KDM7A: variants seen among roughly 807,000 people sequenced by gnomAD.
KDM7A encodes lysine-specific demethylase 7A.
Under a neutral mutation model 114.8 loss-of-function variants are expected in KDM7A, and 28 were observed. The ratio of observed to expected loss-of-function variants is 0.24; its 90% CI spans 0.18 to 0.33. The LOEUF (loss-of-function observed/expected upper bound fraction) is 0.33, where lower values mean the gene tolerates loss of function less well. Among genes scored for constraint, KDM7A ranks in the 10% least tolerant of loss-of-function variants. The pLI is 1.00. For missense variants in KDM7A, 942 were observed against 1,142.5 expected, an observed-to-expected ratio of 0.82 and a Z score of 2.53; for synonymous variants, 423 against 397.8, an observed-to-expected ratio of 1.06 and a Z score of -0.75.
intron 1 of KDM7A, among the ~76,000 whole-genome samples, chr7:140,174,229 A>C: frequency 6.6e-6 from 1 of 152,214 alleles, no homozygotes; most frequent in Non-Finnish European, 1.5e-5. Context: ...TTTGTAGGGC[A>C]GGACAATATA....
chr7:140,092,384 G>C (rs1268517548), intron 18 of KDM7A, among the ~76,000 whole-genome samples: 1 of 152,206 alleles, frequency 6.6e-6, no homozygotes, highest in Non-Finnish European at 1.5e-5. Flanking sequence ...CAGGGACCCT[G>C]AGCTGGGGGA....
chr7:140,100,689 C>CACACATAT (rs1562945966), intron 12 of KDM7A, among the ~76,000 whole-genome samples: 121 of 53,958 alleles, frequency 2.2e-3, no homozygotes, highest in Admixed American at 3.9e-3. Flanking sequence ...TACATATATA[C>CACACATAT]ATATATATAT....
chr7:140,098,465 T>G (rs1202261493), intron 14 of KDM7A, among the ~76,000 whole-genome samples: 2 of 152,224 alleles, frequency 1.3e-5, no homozygotes, highest in Non-Finnish European at 2.9e-5. Context: ...ATGCATGGAT[T>G]ACTAACAGCT....
intron 1 of KDM7A, among the ~76,000 whole-genome samples, chr7:140,159,392 T>C (rs1385464076): frequency 6.8e-6 from 1 of 147,312 alleles, no homozygotes; most frequent in South Asian, 2.2e-4. Flanking sequence ...GATATATGCG[T>C]ACAATTGGCA....
intron 1 of KDM7A, among the ~76,000 whole-genome samples, chr7:140,169,824 C>T (rs186222540): frequency 6.6e-6 from 1 of 152,244 alleles, no homozygotes; most frequent in East Asian, 1.9e-4. Context: ...TCCAACCTAA[C>T]TAATGGTTTT....
At chr7:140,121,874 A>G (rs1477951194) in intron 7 of KDM7A, among the ~76,000 whole-genome samples, 3 of 152,180 alleles carry the variant, frequency 2.0e-5, no homozygotes, top group Non-Finnish European at 4.4e-5. Context: ...TTCCTGAAAC[A>G]CAAAAACTGT....
intron 1 of KDM7A, among the ~76,000 whole-genome samples, chr7:140,161,136 G>A (rs1318540399): frequency 6.6e-6 from 1 of 152,242 alleles, no homozygotes; most frequent in Non-Finnish European, 1.5e-5. Flanking sequence ...TCTGCATATA[G>A]TTTACAACCC....
At chr7:140,109,291 G>A (rs915094424) in intron 11 of KDM7A, among the ~76,000 whole-genome samples, 2 of 152,196 alleles carry the variant, frequency 1.3e-5, no homozygotes, top group Admixed American at 6.5e-5. Context: ...AAGCCCCAGT[G>A]AGATGAACCC....
intron 17 of KDM7A, chr7:140,094,599 C>T (rs1033258270): frequency 6.4e-6 from 1 of 155,526 alleles, no homozygotes; most frequent in Non-Finnish European, 1.4e-5. Context: ...TTTACCTTCA[C>T]TATATGCCTT....
In KDM7A at chr7:140,091,054, C is replaced by A; in HGVS notation, c.*40G>T. ...AGCTCCAGGCTCCTGCACCCCTAGACTGGTCTCCAAAGGGAAGAATGGCTG... is the reference window on the plus strand; with the variant it reads ...AGCTCCAGGCTCCTGCACCCCTAGAATGGTCTCCAAAGGGAAGAATGGCTG... On this transcript the variant is annotated 3_prime_UTR_variant, in exon 20 of 20. Coordinates refer to ENST00000397560, the MANE Select transcript of KDM7A (RefSeq NM_030647.2). 6.9e-7 allele frequency: 1 copy of A among 1,459,136 alleles called. No homozygotes were observed. The allele number at this position is 1,459,136 out of a possible 1,614,324, so 90.4% of individuals were successfully genotyped here.
intron 1 of KDM7A, 104 bp from the exon 2 acceptor site, chr7:140,139,294 C>A: frequency 1.4e-6 from 1 of 711,180 alleles, no homozygotes; most frequent in Non-Finnish European, 2.5e-6. Context: ...AACCACCTCA[C>A]CAACACATTT....
intron 1 of KDM7A, among the ~76,000 whole-genome samples, chr7:140,157,578 T>C (rs1794471256): frequency 6.6e-6 from 1 of 152,072 alleles, no homozygotes; most frequent in African/African-American, 2.4e-5. Context: ...CGCTTGAGCC[T>C]GGGAGGTCAA....
intron 12 of KDM7A, among the ~76,000 whole-genome samples, chr7:140,100,665 TATATATATATATATACATATATAC>T (rs1291102069): frequency 0.017 from 694 of 40,612 alleles, 15 homozygotes; most frequent in African/African-American, 0.059. Context: ...AAAAGTTATA[TATATATATATATATACATATATAC>T]ATATATATAT....
At chr7:140,175,766 G>A (rs1468580666) in intron 1 of KDM7A, among the ~76,000 whole-genome samples, 2 of 151,692 alleles carry the variant, frequency 1.3e-5, no homozygotes, top group Non-Finnish European at 2.9e-5. Context: ...AGCGTCCGCC[G>A]CCGCCGCCAG....
chr7:140,169,049 G>T (rs570715057), intron 1 of KDM7A, among the ~76,000 whole-genome samples: 1 of 152,220 alleles, frequency 6.6e-6, no homozygotes, highest in South Asian at 2.1e-4. Context: ...CCTCTGAGAA[G>T]GCCTAGAAAC....
At chr7:140,157,078 G>T (rs1419995279) in intron 1 of KDM7A, among the ~76,000 whole-genome samples, 2 of 152,028 alleles carry the variant, frequency 1.3e-5, no homozygotes, top group African/African-American at 2.4e-5. Flanking sequence ...ATAATACTTG[G>T]GTAATATTTA....
At chr7:140,117,360 T>C (rs988647048) in intron 9 of KDM7A, among the ~76,000 whole-genome samples, 1 of 152,206 alleles carries the variant, frequency 6.6e-6, no homozygotes, top group African/African-American at 2.4e-5. Context: ...AATGGCAAGA[T>C]TTTGTCTTTC....
chr7:140,139,166 A>G lies in KDM7A; in HGVS notation c.219T>C (p.His73=). The change falls in exon 2 of 20, where the codon CAT becomes CAC. Residue 73 remains histidine (H), a synonymous_variant. Transcript: ENST00000397560. ...AGTGATACAGGTCAATGTCAACAGC[A>G]TGATGTTCTTCTACTCCAACACAGC... ...HGSCVGVEEH[H]AVDIDLYHCP... 1 of 1,613,530 alleles carries G rather than the reference A, an allele frequency of 6.2e-7. No individual in the cohort carries two copies. The highest frequency in any genetic ancestry group is 8.5e-7 in the Non-Finnish European group (1 of 1,179,622).
Position 140,176,681 on chromosome 7 carries a change from C to A in KDM7A, c.194+63G>T. 9.5e-7 allele frequency: 1 copy of A among 1,055,452 alleles called. No individual in the cohort carries two copies. Among genetic ancestry groups the A allele is most frequent in the South Asian group, 3.6e-5 (1 of 27,990 alleles). The allele number at this position is 1,055,452 out of a possible 1,614,324, so 65.4% of individuals were successfully genotyped here. On this transcript the variant is annotated intron_variant, in intron 1 of 19. Coordinates refer to ENST00000397560, the MANE Select transcript of KDM7A (RefSeq NM_030647.2). The surrounding 1 kb of genome is among the most constrained non-coding windows in gnomAD (Gnocchi z 4.4). ...GCCCGAGGGAGGCGCGGGCGGCCGGCGGCGGCGGCGGTTGGTCGGTGGCCG... is the reference window on the plus strand; with the variant it reads ...GCCCGAGGGAGGCGCGGGCGGCCGGAGGCGGCGGCGGTTGGTCGGTGGCCG...
Sources: gnomAD v4.1 joint callset for allele counts (sites outside exome capture counted in the v4.1 genomes callset) on GRCh38, gnomAD v4.1.1 for gene constraint, Gnocchi (gnomAD v3.1) non-coding constraint, MANE v1.5 for transcripts, NCBI Gene and HGNC (gene_info 2026-07-23, HGNC 2026-07-21) for gene names.